Variants in DLG2 observed in about 807,000 individuals in gnomAD.
DLG2 encodes the protein disks large homolog 2.
A neutral mutation model predicts 132.5 loss-of-function variants in DLG2; 45 were observed. The observed-to-expected ratio is 0.34, with a 90% CI of 0.27 to 0.44. The LOEUF (loss-of-function observed/expected upper bound fraction) is 0.44, where lower values mean the gene tolerates loss of function less well. Among genes scored for constraint, DLG2 ranks in the 20% least tolerant of loss-of-function variants. The pLI, the probability that DLG2 is intolerant of heterozygous loss-of-function variation, is 1.00. For missense variants in DLG2, 1,045 were observed against 1,196.9 expected (o/e 0.87, Z 1.87); for synonymous variants, 424 against 419.6 (o/e 1.01, Z -0.13).
chr11:84,420,563 G>GAAAAATGTAT, intron 7 of DLG2, among the ~76,000 whole-genome samples: 1 of 150,370 alleles, frequency 6.7e-6, no homozygotes, highest in Non-Finnish European at 1.5e-5. Context: ...TATCACGAGG[G>GAAAAATGTAT]TGCTTCCAAC....
At chr11:83,699,576 G>A (rs1159688612) in intron 18 of DLG2, among the ~76,000 whole-genome samples, 4 of 150,734 alleles carry the variant, frequency 2.7e-5, no homozygotes, top group Admixed American at 2.6e-4. Context: ...CGGGCGTGGT[G>A]GTGGGTGCCT....
intron 19 of DLG2, among the ~76,000 whole-genome samples, chr11:83,548,074 T>C (rs1359893623): frequency 6.6e-6 from 1 of 152,118 alleles, no homozygotes; most frequent in Non-Finnish European, 1.5e-5. Context: ...AAGCATGTCA[T>C]TGGAAACTGT....
At chr11:85,622,629 A>G (rs57361884) in intron 2 of DLG2, among the ~76,000 whole-genome samples, 8,545 of 136,200 alleles carry the variant, frequency 0.063, 754 homozygotes, top group African/African-American at 0.21. Flanking sequence ...CCCCAGAGGA[A>G]AAAAAAAAAA....
chr11:83,755,772 A>C (rs2093618845), intron 18 of DLG2, among the ~76,000 whole-genome samples: 1 of 151,298 alleles, frequency 6.6e-6, no homozygotes, highest in African/African-American at 2.5e-5. Context: ...ACAGTGAGGA[A>C]TAGGAAGTGA....
intron 7 of DLG2, among the ~76,000 whole-genome samples, chr11:84,364,087 A>G (rs1367090198): frequency 2.0e-5 from 3 of 152,090 alleles, no homozygotes; most frequent in Non-Finnish European, 2.9e-5. Context: ...TTGAATCTAT[A>G]AATTACCTTG....
At chr11:85,234,422 T>C (rs1384596849) in intron 4 of DLG2, among the ~76,000 whole-genome samples, 4 of 151,956 alleles carry the variant, frequency 2.6e-5, no homozygotes, top group African/African-American at 7.2e-5. Context: ...TGTAGGCTGA[T>C]GAGGACTAAA....
chr11:83,526,379 C>G (rs1255747793), intron 21 of DLG2, among the ~76,000 whole-genome samples: 5 of 152,172 alleles, frequency 3.3e-5, no homozygotes, highest in Non-Finnish European at 5.9e-5. Context: ...CTTTCCTTCC[C>G]ACAGCTGCCA....
intron 14 of DLG2, among the ~76,000 whole-genome samples, chr11:83,960,505 G>T (rs1314592502): frequency 6.6e-6 from 1 of 151,864 alleles, no homozygotes; most frequent in Admixed American, 6.6e-5. Context: ...AAAAGAAAGG[G>T]CATTTTGATT....
chr11:84,130,918 G>T (rs1234517770), intron 9 of DLG2, among the ~76,000 whole-genome samples: 3 of 151,822 alleles, frequency 2.0e-5, no homozygotes, highest in Admixed American at 6.6e-5. Flanking sequence ...GTAAGAAGAG[G>T]TCATTATTAA....
rs750775765 is a variant in DLG2, at chr11:83,865,309, T to C, written c.1565+9111A>G. ...GACCTTGGGGAAGTCACTGGTCCTC[T>C]GTCATATCTGTAGACAGGATAAATG... is the stretch of plus-strand genomic sequence containing the variant. On this transcript the variant is annotated intron_variant, in intron 16 of 27. Coordinates refer to ENST00000376104, the MANE Select transcript of DLG2 (RefSeq NM_001142699.3). 1.3e-3 allele frequency among the ~76,000 whole-genome samples: 192 copies of C among 152,120 alleles called. 5 individuals are homozygous for C. Among genetic ancestry groups the C allele is most frequent in the Admixed American group, 1.6e-3 (25 of 15,242 alleles).
intron 19 of DLG2, among the ~76,000 whole-genome samples, chr11:83,559,636 T>C (rs1170434995): frequency 6.6e-6 from 1 of 150,480 alleles, no homozygotes; most frequent in East Asian, 1.9e-4. Context: ...CGTTGCCATG[T>C]ACCTAAAATA....
At chr11:84,001,856 T>C (rs1412381508) in intron 11 of DLG2, among the ~76,000 whole-genome samples, 2 of 152,026 alleles carry the variant, frequency 1.3e-5, no homozygotes, top group African/African-American at 4.8e-5. Flanking sequence ...TGGGTCAACA[T>C]AGAAATTAAG....
At chr11:85,391,376 A>T (rs1449656384) in intron 3 of DLG2, among the ~76,000 whole-genome samples, 1 of 152,138 alleles carries the variant, frequency 6.6e-6, no homozygotes, top group Non-Finnish European at 1.5e-5. Context: ...AGGAATTGGT[A>T]CCAATCCCAT....
At chr11:83,721,399 G>A (rs1388842889) in intron 18 of DLG2, among the ~76,000 whole-genome samples, 1 of 152,172 alleles carries the variant, frequency 6.6e-6, no homozygotes, top group Non-Finnish European at 1.5e-5. Flanking sequence ...ATGAGTGATT[G>A]CATAAGGCAC....
chr11:83,981,608 C>T (rs542618178), intron 11 of DLG2, among the ~76,000 whole-genome samples: 1 of 151,976 alleles, frequency 6.6e-6, no homozygotes, highest in Admixed American at 6.6e-5. Context: ...TGTCTGACTA[C>T]TTTTTTAAAT....
intron 11 of DLG2, among the ~76,000 whole-genome samples, chr11:84,056,448 T>C (rs541485443): frequency 5.1e-4 from 78 of 152,166 alleles, no homozygotes; most frequent in Non-Finnish European, 9.6e-4. Flanking sequence ...GGCTCCATTA[T>C]AGAGCTGAGT....
intron 8 of DLG2, among the ~76,000 whole-genome samples, chr11:84,247,452 C>T (rs1598321972): frequency 6.6e-6 from 1 of 152,208 alleles, no homozygotes; most frequent in African/African-American, 2.4e-5. Flanking sequence ...AAAATAGAAA[C>T]TAGAGAGTAT....
chr11:83,640,862 A>C (rs547005890), intron 18 of DLG2, among the ~76,000 whole-genome samples: 3 of 152,186 alleles, frequency 2.0e-5, no homozygotes, highest in African/African-American at 4.8e-5. Flanking sequence ...TTTGTGAACT[A>C]TCTGGTTACT....
intron 7 of DLG2, among the ~76,000 whole-genome samples, chr11:84,327,498 G>T (rs2098438402): frequency 1.3e-5 from 2 of 152,110 alleles, no homozygotes; most frequent in Non-Finnish European, 2.9e-5. Flanking sequence ...TAGCCATTTT[G>T]TTAATAGTTT....
Sources: gnomAD v4.1 joint callset for allele counts (sites outside exome capture counted in the v4.1 genomes callset) on GRCh38, gnomAD v4.1.1 for gene constraint, MANE v1.5 for transcripts, NCBI Gene and HGNC (gene_info 2026-07-23, HGNC 2026-07-21) for gene names.